Variants in SH3RF3 observed in about 807,000 individuals in gnomAD.
SH3RF3 encodes E3 ubiquitin-protein ligase SH3RF3.
Under a neutral mutation model 66.3 loss-of-function variants are expected in SH3RF3, and 29 were observed. That is an observed-to-expected ratio of 0.44 (90% CI 0.33 to 0.60). The LOEUF is 0.60. Ranked by LOEUF, SH3RF3 falls within the 20% of genes least tolerant of loss-of-function variation. The pLI, the probability that SH3RF3 is intolerant of heterozygous loss-of-function variation, is 0.04. For synonymous variants in SH3RF3, 583 were observed against 532.0 expected (o/e 1.10, Z -1.32); for missense variants, 1,194 against 1,190.9 (o/e 1.00, Z -0.04).
chr2:109,201,164 C>T (rs1204005309), intron 1 of SH3RF3, among the ~76,000 whole-genome samples: 1 of 152,208 alleles, frequency 6.6e-6, no homozygotes, highest in African/African-American at 2.4e-5. Context: ...TTCCTTCCGG[C>T]GGCCTCTGCA....
At chr2:109,495,427 A>T (rs1320002386) in intron 9 of SH3RF3, among the ~76,000 whole-genome samples, 1 of 149,514 alleles carries the variant, frequency 6.7e-6, no homozygotes, top group Non-Finnish European at 1.5e-5. Flanking sequence ...TTGAGTAGAC[A>T]GACACTCTGG....
At chr2:109,275,914 C>T (rs141391790) in intron 1 of SH3RF3, among the ~76,000 whole-genome samples, 1 of 152,276 alleles carries the variant, frequency 6.6e-6, no homozygotes, top group East Asian at 1.9e-4. Flanking sequence ...TCATTATAAT[C>T]TGACATTATT....
chr2:109,190,433 C>T (rs1280273341), intron 1 of SH3RF3, among the ~76,000 whole-genome samples: 2 of 152,230 alleles, frequency 1.3e-5, no homozygotes. Flanking sequence ...CTCGGCCACC[C>T]AAAGTGCTGG....
chr2:109,412,695 G>T (rs1262469945), intron 4 of SH3RF3, among the ~76,000 whole-genome samples: 1 of 152,214 alleles, frequency 6.6e-6, no homozygotes, highest in Non-Finnish European at 1.5e-5. Flanking sequence ...TGTTAACTCT[G>T]TTATTCTTCT....
intron 1 of SH3RF3, among the ~76,000 whole-genome samples, chr2:109,322,548 A>G (rs1022156627): frequency 3.3e-5 from 5 of 152,234 alleles, no homozygotes; most frequent in Non-Finnish European, 7.3e-5. Context: ...GTGCTGTGTA[A>G]TAGTGTGCAC....
At chr2:109,155,891 G>T (rs1414094972) in intron 1 of SH3RF3, among the ~76,000 whole-genome samples, 2 of 152,194 alleles carry the variant, frequency 1.3e-5, no homozygotes, top group Admixed American at 6.5e-5. Context: ...TTCCAAGATG[G>T]TCATATGTAT....
At chr2:109,283,959 T>C (rs1292414633) in intron 1 of SH3RF3, among the ~76,000 whole-genome samples, 1 of 152,194 alleles carries the variant, frequency 6.6e-6, no homozygotes, top group Non-Finnish European at 1.5e-5. Flanking sequence ...GCCTCCCTCC[T>C]GTCCCCACAC....
At chr2:109,294,773 G>A (rs1436435243) in intron 1 of SH3RF3, among the ~76,000 whole-genome samples, 2 of 152,110 alleles carry the variant, frequency 1.3e-5, no homozygotes, top group Admixed American at 6.6e-5. Context: ...GACCCGAGTG[G>A]GAGGATGGCT....
At chr2:109,155,856 G>C (rs913679134) in intron 1 of SH3RF3, among the ~76,000 whole-genome samples, 72 of 152,214 alleles carry the variant, frequency 4.7e-4, no homozygotes, top group Non-Finnish European at 9.3e-4. Flanking sequence ...CTAAAGCTTT[G>C]TTATAACTAT....
At chr2:109,334,192 C>CA (rs1278206767) in intron 1 of SH3RF3, among the ~76,000 whole-genome samples, 23 of 151,952 alleles carry the variant, frequency 1.5e-4, no homozygotes, top group East Asian at 1.9e-4. Context: ...CCCGTCCCTA[C>CA]AAAAAAATAG....
At chr2:109,393,313 C>T (rs1479784534) in intron 3 of SH3RF3, among the ~76,000 whole-genome samples, 2 of 152,210 alleles carry the variant, frequency 1.3e-5, no homozygotes, top group Admixed American at 1.3e-4. Context: ...GGAAGCCGAG[C>T]TTGCAAACAG....
intron 1 of SH3RF3, among the ~76,000 whole-genome samples, chr2:109,288,137 T>C (rs547678980): frequency 6.6e-6 from 1 of 152,358 alleles, no homozygotes; most frequent in East Asian, 1.9e-4. Context: ...AGGAAAATGC[T>C]GTGAACCTTG....
intron 1 of SH3RF3, among the ~76,000 whole-genome samples, chr2:109,218,335 T>C (rs1679149867): frequency 6.6e-6 from 1 of 152,180 alleles, no homozygotes; most frequent in African/African-American, 2.4e-5. Context: ...TTCTTCTACT[T>C]CACCAGAATT....
intron 3 of SH3RF3, among the ~76,000 whole-genome samples, chr2:109,396,555 G>A (rs772933750): frequency 2.0e-5 from 3 of 152,198 alleles, no homozygotes; most frequent in South Asian, 4.1e-4. Flanking sequence ...CAGGGCTTCT[G>A]GGTTTTTTGT....
intron 1 of SH3RF3, among the ~76,000 whole-genome samples, chr2:109,316,726 A>C (rs200045080): frequency 1.1e-4 from 16 of 152,204 alleles, no homozygotes; most frequent in African/African-American, 1.7e-4. Context: ...GGACAAATCT[A>C]TAATGCGATG....
intron 1 of SH3RF3, among the ~76,000 whole-genome samples, chr2:109,266,756 A>G (rs957418514): frequency 5.9e-5 from 9 of 152,104 alleles, no homozygotes; most frequent in Non-Finnish European, 1.0e-4. Flanking sequence ...TTAACAGCCT[A>G]ACAAGAGACA....
chr2:109,432,376 C>G, intron 5 of SH3RF3, 125 bp from the exon 6 acceptor site: 1 of 1,219,228 alleles, frequency 8.2e-7, no homozygotes, highest in Non-Finnish European at 1.1e-6. Context: ...TGCAGAGCCC[C>G]CATAGACTCT....
intron 1 of SH3RF3, among the ~76,000 whole-genome samples, chr2:109,154,989 C>T (rs1025346437): frequency 1.3e-5 from 2 of 152,144 alleles, no homozygotes; most frequent in Non-Finnish European, 2.9e-5. Flanking sequence ...TGATAGCCAG[C>T]CTTCATAGGA....
intron 1 of SH3RF3, among the ~76,000 whole-genome samples, chr2:109,216,567 G>A (rs1047471895): frequency 3.3e-5 from 5 of 152,144 alleles, no homozygotes; most frequent in African/African-American, 9.7e-5. Context: ...CACACAGCCC[G>A]AAGCCTGAGG....
Sources: gnomAD v4.1 joint callset for allele counts (sites outside exome capture counted in the v4.1 genomes callset) on GRCh38, gnomAD v4.1.1 for gene constraint, MANE v1.5 for transcripts, NCBI Gene and HGNC (gene_info 2026-07-23, HGNC 2026-07-21) for gene names.